The following LAMA2 variants were observed in gnomAD, a reference collection of about 807,000 sequenced individuals.
The protein encoded by LAMA2 is laminin subunit alpha-2.
Under a neutral mutation model 364.8 loss-of-function variants are expected in LAMA2, and 269 were observed. The observed-to-expected ratio is 0.74, with a 90% confidence interval of 0.67 to 0.82. The LOEUF (loss-of-function observed/expected upper bound fraction) is 0.82. Ranked by LOEUF, LAMA2 falls within the 40% of genes least tolerant of loss-of-function variation. LAMA2 has a pLI of 0.00. For missense variants in LAMA2, 3,807 were observed against 3,873.2 expected, an observed-to-expected ratio of 0.98 and a Z score of 0.45; for synonymous variants, 1,379 against 1,370.6, an observed-to-expected ratio of 1.01 and a Z score of -0.14.
chr6:129,372,176 A>G (rs1044465225), intron 34 of LAMA2, among the ~76,000 whole-genome samples: 14 of 152,176 alleles, frequency 9.2e-5, no homozygotes, highest in African/African-American at 3.1e-4. Flanking sequence ...CATAGTTTAC[A>G]TTAGGGTTCC....
At position 129,312,980 on chromosome 6, in the gene LAMA2, G is replaced by A. The variant is rs1298336252; in HGVS notation, c.3294G>A (p.Trp1098Ter). The change falls in exon 23 of 65, where the codon TGG becomes TGA. Residue 1098 changes from tryptophan (W) to a stop codon, truncating the protein, a stop_gained. Transcript: ENST00000421865. LOFTEE classifies it high-confidence loss of function. ...AKCTECSRGH[W>*]NYPRCNLCDC... ...GTACAGAGTGCAGTCGAGGTCACTG[G>A]AACTACCCTCGCTGCAATCTCTGTG... The A allele has an allele frequency of 1.2e-6, 2 of 1,614,040 alleles. No individual in the cohort carries two copies. Among genetic ancestry groups the A allele is most frequent in the Admixed American group, 1.7e-5 (1 of 60,022 alleles).
At chr6:129,392,760 A>C (rs1479057156) in intron 36 of LAMA2, among the ~76,000 whole-genome samples, 1 of 152,206 alleles carries the variant, frequency 6.6e-6, no homozygotes, top group African/African-American at 2.4e-5. Flanking sequence ...CTTAAAACTC[A>C]TTTCATCAAT....
intron 48 of LAMA2, among the ~76,000 whole-genome samples, chr6:129,457,876 G>C (rs1459934588): frequency 6.6e-6 from 1 of 152,104 alleles, no homozygotes; most frequent in Non-Finnish European, 1.5e-5. Context: ...ATAGTAGAAA[G>C]AGTGAACAAG....
chr6:129,334,001 C>T (rs913777901), intron 29 of LAMA2, among the ~76,000 whole-genome samples: 6 of 152,130 alleles, frequency 3.9e-5, no homozygotes, highest in Non-Finnish European at 4.4e-5. Context: ...CTGGTATAAA[C>T]CGTTATGCTC....
At chr6:129,200,459 C>T (rs911987774) in intron 12 of LAMA2, among the ~76,000 whole-genome samples, 13 of 144,960 alleles carry the variant, frequency 9.0e-5, no homozygotes, top group African/African-American at 3.4e-4. Flanking sequence ...TATATATATA[C>T]ATGTACACAT....
intron 1 of LAMA2, among the ~76,000 whole-genome samples, chr6:128,957,508 C>T (rs770300783): frequency 8.5e-5 from 13 of 152,090 alleles, no homozygotes; most frequent in Non-Finnish European, 1.9e-4. Context: ...ACAGCAGCTG[C>T]TCCACCCCAG....
At chr6:129,202,189 A>G (rs1165540069) in intron 12 of LAMA2, among the ~76,000 whole-genome samples, 1 of 116,364 alleles carries the variant, frequency 8.6e-6, no homozygotes, top group African/African-American at 4.8e-5. Context: ...GTCTGTCTCA[A>G]AAAAAAAAAA....
intron 1 of LAMA2, among the ~76,000 whole-genome samples, chr6:129,033,430 T>C (rs1365899459): frequency 6.6e-6 from 1 of 152,182 alleles, no homozygotes; most frequent in Non-Finnish European, 1.5e-5. Flanking sequence ...CATCAAAGCA[T>C]AGATGAGTCT....
intron 15 of LAMA2, among the ~76,000 whole-genome samples, chr6:129,266,529 A>G (rs578056236): frequency 7.0e-4 from 107 of 152,306 alleles, no homozygotes; most frequent in African/African-American, 2.5e-3. Flanking sequence ...GAAATTTAGC[A>G]TGAAATACAT....
chr6:128,929,515 G>T lies in LAMA2; in HGVS notation c.112+46158G>T. The T allele has an allele frequency of 3.4e-6, 3 of 871,588 alleles. No homozygotes were observed. In the South Asian group the frequency reaches 3.9e-5, roughly 11 times the overall value. 54.0% of individuals were successfully genotyped at this position (871,588 alleles called of 1,614,324 possible). A position where few individuals can be genotyped will look rare whatever the true frequency, so the allele number is the denominator to read the frequency against. ...ATGGTATGCCGACCAGATCGATTCTGCTTGTACCTGTAGAGAAACTCCTGA... is the reference window on the plus strand; with the variant it reads ...ATGGTATGCCGACCAGATCGATTCTTCTTGTACCTGTAGAGAAACTCCTGA... On this transcript the variant is annotated intron_variant, in intron 1 of 64. Transcript: ENST00000421865.
chr6:129,270,584 A>G, intron 16 of LAMA2, 40 bp from the exon 17 acceptor site: 1 of 1,610,762 alleles, frequency 6.2e-7, no homozygotes, highest in Non-Finnish European at 8.5e-7. Flanking sequence ...TTGATCCCTG[A>G]CACCAAAATA....
chr6:129,238,278 G>C (rs993208201), intron 12 of LAMA2, among the ~76,000 whole-genome samples: 4 of 152,030 alleles, frequency 2.6e-5, no homozygotes, highest in Non-Finnish European at 5.9e-5. Flanking sequence ...GAATAATTAG[G>C]AGAGGAAAAG....
At chr6:129,298,962 C>T (rs1416398789) in intron 21 of LAMA2, among the ~76,000 whole-genome samples, 1 of 151,948 alleles carries the variant, frequency 6.6e-6, no homozygotes, top group Non-Finnish European at 1.5e-5. Flanking sequence ...ATACTCTGTT[C>T]TTTAAATCCA....
chr6:129,271,189 G>A (rs867245736), intron 17 of LAMA2, among the ~76,000 whole-genome samples: 1 of 151,966 alleles, frequency 6.6e-6, no homozygotes, highest in African/African-American at 2.4e-5. Flanking sequence ...CTCTCAAAAA[G>A]TAAAATGAAG....
rs1782954360 is a variant in LAMA2, at chr6:129,456,172, T to G, written c.6708-163T>G. Among the ~76,000 whole-genome samples the G allele has an allele frequency of 2.0e-5, 3 of 152,300 alleles. No individual in the cohort carries two copies. In the South Asian group the frequency reaches 6.2e-4, roughly 32 times the overall value. On this transcript the variant is annotated intron_variant, in intron 47 of 64. Coordinates refer to ENST00000421865, the MANE Select transcript of LAMA2 (RefSeq NM_000426.4). ...AGACTCTGAGTATTGATTCGAGATCTAATGAATTTGGAATGTTAGAAACTA... is the reference window on the plus strand; with the variant it reads ...AGACTCTGAGTATTGATTCGAGATCGAATGAATTTGGAATGTTAGAAACTA...
chr6:129,228,107 G>T (rs192521612), intron 12 of LAMA2, among the ~76,000 whole-genome samples: 1 of 152,164 alleles, frequency 6.6e-6, no homozygotes, highest in African/African-American at 2.4e-5. Context: ...ACAAGGCTCC[G>T]TAGGCATGGG....
intron 30 of LAMA2, among the ~76,000 whole-genome samples, chr6:129,347,008 A>T (rs1776592461): frequency 6.6e-6 from 1 of 152,152 alleles, no homozygotes; most frequent in Non-Finnish European, 1.5e-5. Flanking sequence ...CTTGGCAGAT[A>T]ACAGGAGGCC....
chr6:129,413,251 A>G (rs957701930), intron 40 of LAMA2, among the ~76,000 whole-genome samples: 12 of 152,188 alleles, frequency 7.9e-5, no homozygotes, highest in African/African-American at 2.9e-4. Flanking sequence ...AAGGAAAACT[A>G]AAAAATTATG....
intron 1 of LAMA2, among the ~76,000 whole-genome samples, chr6:128,992,791 T>C (rs1409700313): frequency 6.6e-6 from 1 of 152,212 alleles, no homozygotes; most frequent in Non-Finnish European, 1.5e-5. Context: ...ATTTTCCCGC[T>C]TGGCTTTGTC....
Sources: gnomAD v4.1 joint callset for allele counts (sites outside exome capture counted in the v4.1 genomes callset) on GRCh38, gnomAD v4.1.1 for gene constraint, MANE v1.5 for transcripts, NCBI Gene and HGNC (gene_info 2026-07-23, HGNC 2026-07-21) for gene names.